DPYD: variants seen among roughly 807,000 people sequenced by gnomAD.
DPYD encodes the protein dihydropyrimidine dehydrogenase [NADP(+)].
DPYD carries 109 observed loss-of-function variants against 116.2 expected under a neutral mutation model. That is an observed-to-expected ratio of 0.94 (90% CI 0.80 to 1.10). The LOEUF is 1.10. Among genes scored for constraint, DPYD ranks in the 50% least tolerant of loss-of-function variants. The probability of loss-of-function intolerance (pLI) is 0.00; values close to 1 mark genes in which losing one functional copy is unlikely to be tolerated. For synonymous variants in DPYD, 440 were observed against 432.0 expected (o/e 1.02, Z -0.23); for missense variants, 1,302 against 1,254.5 (o/e 1.04, Z -0.57).
intron 18 of DPYD, among the ~76,000 whole-genome samples, chr1:97,271,356 G>A (rs753136445): frequency 6.6e-6 from 1 of 152,184 alleles, no homozygotes; most frequent in Non-Finnish European, 1.5e-5. Context: ...TCAGGAAGAA[G>A]TTAATTGCAG....
chr1:97,661,352 C>A (rs563640338), intron 8 of DPYD, among the ~76,000 whole-genome samples: 1 of 152,072 alleles, frequency 6.6e-6, no homozygotes, highest in African/African-American at 2.4e-5. Flanking sequence ...ATGGTAGAGA[C>A]CATATGTTCA....
At chr1:97,163,117 C>G (rs1656053869) in intron 20 of DPYD, among the ~76,000 whole-genome samples, 1 of 151,594 alleles carries the variant, frequency 6.6e-6, no homozygotes, top group African/African-American at 2.4e-5. Flanking sequence ...CAACAAAAGC[C>G]AAAATTGACA....
At chr1:97,881,867 G>C (rs943848568) in intron 2 of DPYD, among the ~76,000 whole-genome samples, 11 of 151,670 alleles carry the variant, frequency 7.3e-5, no homozygotes, top group Non-Finnish European at 1.5e-4. Context: ...GTTGTGGGGT[G>C]GGGGGTGGAG....
intron 18 of DPYD, among the ~76,000 whole-genome samples, chr1:97,302,407 T>C (rs925601163): frequency 2.6e-5 from 4 of 151,994 alleles, no homozygotes; most frequent in African/African-American, 7.2e-5. Context: ...TCTCCCATAA[T>C]TGAAATTCAA....
intron 2 of DPYD, among the ~76,000 whole-genome samples, chr1:97,879,967 T>TTA (rs1326916060): frequency 3.3e-5 from 5 of 151,668 alleles, no homozygotes; most frequent in African/African-American, 1.2e-4. Context: ...TTGAGTCCAA[T>TTA]TATAACTCTG....
At chr1:97,268,849 T>C (rs1452354922) in intron 18 of DPYD, among the ~76,000 whole-genome samples, 1 of 152,216 alleles carries the variant, frequency 6.6e-6, no homozygotes, top group Non-Finnish European at 1.5e-5. Context: ...CTTCTATCCA[T>C]ATTAATCTCT....
rs183034423 is a variant in DPYD at position 97,891,015 on chromosome 1, T to C, written c.40-7641A>G. On this transcript the variant is annotated intron_variant, in intron 1 of 22. Transcript: ENST00000370192. ...GGATCTTGGGTAAAAATAAATTGGATTGTGCAAAATGGTTACCAAGGATTT... is the reference window on the plus strand; with the variant it reads ...GGATCTTGGGTAAAAATAAATTGGACTGTGCAAAATGGTTACCAAGGATTT... Among the ~76,000 whole-genome samples the C allele has an allele frequency of 1.1e-3, 169 of 152,034 alleles. 1 individual carries two copies. Among genetic ancestry groups the C allele is most frequent in the Non-Finnish European group, 1.9e-3 (130 of 67,902 alleles).
chr1:97,851,078 A>C (rs1042695165), intron 2 of DPYD, among the ~76,000 whole-genome samples: 7 of 152,020 alleles, frequency 4.6e-5, no homozygotes, highest in Admixed American at 6.6e-5. Flanking sequence ...ATATTTTGTC[A>C]TTTCACAAAG....
At chr1:97,630,807 T>C (rs1393697081) in intron 8 of DPYD, among the ~76,000 whole-genome samples, 4 of 152,132 alleles carry the variant, frequency 2.6e-5, no homozygotes, top group Non-Finnish European at 5.9e-5. Context: ...CCTTCCACTT[T>C]GGTACAACTC....
chr1:97,547,337 C>G (rs1650974081), intron 12 of DPYD, among the ~76,000 whole-genome samples: 2 of 152,120 alleles, frequency 1.3e-5, no homozygotes, highest in East Asian at 1.9e-4. Flanking sequence ...GAACCATCCA[C>G]TCCCTGAGTG....
At chr1:97,825,931 A>G (rs1335803275) in intron 3 of DPYD, among the ~76,000 whole-genome samples, 1 of 152,174 alleles carries the variant, frequency 6.6e-6, no homozygotes, top group Non-Finnish European at 1.5e-5. Context: ...AACACATTTT[A>G]AAAAGCACCT....
At chr1:97,130,069 A>C (rs535950997) in intron 20 of DPYD, among the ~76,000 whole-genome samples, 142 of 152,188 alleles carry the variant, frequency 9.3e-4, no homozygotes, top group African/African-American at 3.3e-3. Flanking sequence ...TGCTACTCTC[A>C]TGTTGTCCAC....
chr1:97,195,494 G>C (rs1447390207), intron 19 of DPYD, among the ~76,000 whole-genome samples: 5 of 135,962 alleles, frequency 3.7e-5, no homozygotes, highest in Non-Finnish European at 7.8e-5. Context: ...CATACTAGGA[G>C]GTTCCAGAAT....
chr1:97,123,093 A>ACACATTTAT (rs1208184219), intron 20 of DPYD, among the ~76,000 whole-genome samples: 1 of 152,164 alleles, frequency 6.6e-6, no homozygotes, highest in Non-Finnish European at 1.5e-5. Flanking sequence ...CATGATGCTG[A>ACACATTTAT]CACATTTATT....
chr1:97,254,776 A>G (rs1663341649), intron 18 of DPYD, among the ~76,000 whole-genome samples: 1 of 152,346 alleles, frequency 6.6e-6, no homozygotes, highest in East Asian at 1.9e-4. Flanking sequence ...TTTCAACACT[A>G]TACATGTCAT....
chr1:97,122,218 C>A (rs2101647689), intron 20 of DPYD, among the ~76,000 whole-genome samples: 1 of 152,162 alleles, frequency 6.6e-6, no homozygotes, highest in South Asian at 2.1e-4. Flanking sequence ...AGATAGGTGA[C>A]TATCATATAG....
intron 3 of DPYD, among the ~76,000 whole-genome samples, chr1:97,805,646 CACA>C (rs1347433804): frequency 7.3e-5 from 11 of 151,372 alleles, no homozygotes; most frequent in Non-Finnish European, 1.6e-4. Context: ...CTGGATAAAC[CACA>C]ACACCATATT....
At chr1:97,720,582 T>A (rs1252333535) in intron 5 of DPYD, 1 of 1,095,026 alleles carries the variant, frequency 9.1e-7, no homozygotes, top group Non-Finnish European at 1.1e-6. Context: ...AGGAAGGGAA[T>A]AACCCTGATT....
intron 1 of DPYD, among the ~76,000 whole-genome samples, chr1:97,889,589 A>T (rs1315481671): frequency 1.3e-5 from 2 of 152,072 alleles, no homozygotes; most frequent in Non-Finnish European, 2.9e-5. Context: ...ATAAACATAT[A>T]TGTGCCTAAC....
Sources: allele counts gnomAD v4.1 joint callset (sites outside exome capture counted in the v4.1 genomes callset), GRCh38; gene constraint gnomAD v4.1.1; transcripts MANE v1.5; gene names NCBI Gene and HGNC (gene_info 2026-07-23, HGNC 2026-07-21).